Variants in SLC16A7 observed in about 807,000 individuals in gnomAD.
SLC16A7 encodes solute carrier family 16 member 7.
SLC16A7 carries 33 observed loss-of-function variants against 34.9 expected under a neutral mutation model. The ratio of observed to expected loss-of-function variants is 0.94; its 90% CI spans 0.72 to 1.26. The LOEUF (loss-of-function observed/expected upper bound fraction) is 1.26. Among genes scored for constraint, SLC16A7 ranks in the 50% most tolerant of loss-of-function variants. The pLI, the probability that SLC16A7 is intolerant of heterozygous loss-of-function variation, is 0.00. For synonymous variants in SLC16A7, 201 were observed against 206.6 expected (o/e 0.97, Z 0.23); for missense variants, 573 against 578.1 (o/e 0.99, Z 0.09).
Position 59,786,357 on chromosome 12 carries a change from A to G in SLC16A7, c.*6678A>G, listed in dbSNP as rs1310871124. On this transcript the variant is annotated 3_prime_UTR_variant, in exon 6 of 6. Transcript: ENST00000547379. ...ACTTTAATTCTTATATGCATCTAAA[A>G]TAAATGTTTTGAGTTAGACTCAGTT... is the stretch of plus-strand genomic sequence containing the variant. 2.0e-5 allele frequency: 3 copies of G among 152,046 alleles called. No individual in the cohort carries two copies. Among genetic ancestry groups the G allele is most frequent in the African/African-American group, 7.2e-5 (3 of 41,428 alleles). 9.4% of individuals were successfully genotyped at this position (152,046 alleles called of 1,614,324 possible).
chr12:59,779,771 C>A lies in SLC16A7; in HGVS notation c.*92C>A. 2 of 1,031,068 alleles carry A rather than the reference C, an allele frequency of 1.9e-6. No individual in the cohort carries two copies. Among genetic ancestry groups the A allele is most frequent in the Non-Finnish European group, 2.8e-6 (2 of 718,448 alleles). 63.9% of individuals were successfully genotyped at this position (1,031,068 alleles called of 1,614,324 possible). On this transcript the variant is annotated 3_prime_UTR_variant, in exon 6 of 6. Coordinates refer to ENST00000547379, the MANE Select transcript of SLC16A7 (RefSeq NM_001270623.2). ...TTTAAAGTATTAGAAAAGGTTTTAGCTGAAATGAGGAGTCACAATTAAGGA... is the reference window on the plus strand; with the variant it reads ...TTTAAAGTATTAGAAAAGGTTTTAGATGAAATGAGGAGTCACAATTAAGGA...
intron 1 of SLC16A7, among the ~76,000 whole-genome samples, chr12:59,633,541 T>C (rs999261707): frequency 7.2e-5 from 11 of 151,806 alleles, no homozygotes; most frequent in African/African-American, 2.7e-4. Flanking sequence ...CAAAAGTTGA[T>C]AAATAATAAT....
Position 59,632,272 on chromosome 12 carries a change from A to G in SLC16A7, c.-129-22880A>G, listed in dbSNP as rs370971583. Among the ~76,000 whole-genome samples the G allele has an allele frequency of 4.7e-4, 72 of 152,138 alleles. 6 individuals are homozygous for G. The South Asian group carries it at 7.2e-3, about 15-fold the overall frequency. ...GACTTTTATGCACTTTTAACAAAGT[A>G]TGATTTTAGATTTGTTACTTAAAGT... On this transcript the variant is annotated intron_variant, in intron 1 of 5. Transcript: ENST00000547379.
Position 59,787,961 on chromosome 12 carries a change from G to A in SLC16A7, c.*8282G>A, listed in dbSNP as rs940165239. On this transcript the variant is annotated 3_prime_UTR_variant, in exon 6 of 6. Transcript: ENST00000547379. ...AATTCCTGATATTGCAGATGAAAGAGCAGGGTCTTTTCAAGTGCTTGCTAC... is the reference window on the plus strand; with the variant it reads ...AATTCCTGATATTGCAGATGAAAGAACAGGGTCTTTTCAAGTGCTTGCTAC... 35 of 152,154 alleles carry A rather than the reference G, an allele frequency of 2.3e-4. No homozygotes were observed. The highest frequency in any genetic ancestry group is 8.0e-4 in the African/African-American group (33 of 41,440). The allele number at this position is 152,154 out of a possible 1,614,324, so 9.4% of individuals were successfully genotyped here. A position where few individuals can be genotyped will look rare whatever the true frequency, so the allele number is the denominator to read the frequency against.
intron 3 of SLC16A7, among the ~76,000 whole-genome samples, chr12:59,735,544 C>T (rs1877490396): frequency 6.6e-6 from 1 of 152,056 alleles, no homozygotes; most frequent in East Asian, 1.9e-4. Context: ...TTCTTGATGT[C>T]AGATGAGAAA....
At chr12:59,756,095 C>T (rs1022277182) in intron 3 of SLC16A7, among the ~76,000 whole-genome samples, 1 of 152,110 alleles carries the variant, frequency 6.6e-6, no homozygotes, top group Non-Finnish European at 1.5e-5. Flanking sequence ...ACACCTTATA[C>T]AAAAATTAAT....
At chr12:59,701,733 T>C (rs755302850) in intron 2 of SLC16A7, among the ~76,000 whole-genome samples, 1 of 151,772 alleles carries the variant, frequency 6.6e-6, no homozygotes, top group Admixed American at 6.6e-5. Context: ...CCCATATTTA[T>C]AACATGATTT....
At chr12:59,725,394 G>A (rs140739212) in intron 3 of SLC16A7, among the ~76,000 whole-genome samples, 2 of 152,022 alleles carry the variant, frequency 1.3e-5, no homozygotes, top group African/African-American at 4.8e-5. Flanking sequence ...GTAGGATGAG[G>A]GTGTCTGCTT....
intron 2 of SLC16A7, among the ~76,000 whole-genome samples, chr12:59,702,727 A>C (rs1421579249): frequency 2.6e-5 from 4 of 152,112 alleles, no homozygotes; most frequent in Non-Finnish European, 5.9e-5. Flanking sequence ...GATGCCTATG[A>C]CCATTTTGAT....
intron 5 of SLC16A7, among the ~76,000 whole-genome samples, chr12:59,776,441 T>C (rs1472684612): frequency 6.6e-6 from 1 of 152,204 alleles, no homozygotes; most frequent in Non-Finnish European, 1.5e-5. Flanking sequence ...ACATTCTGTT[T>C]GTGCACCAGC....
chr12:59,756,694 G>A (rs1210689139), intron 3 of SLC16A7, among the ~76,000 whole-genome samples: 2 of 139,494 alleles, frequency 1.4e-5, no homozygotes, highest in Non-Finnish European at 3.1e-5. Flanking sequence ...GGAAGACAGT[G>A]TGGCGATTCC....
chr12:59,651,345 G>A (rs779280001), intron 1 of SLC16A7, among the ~76,000 whole-genome samples: 1 of 152,010 alleles, frequency 6.6e-6, no homozygotes, highest in African/African-American at 2.4e-5. Flanking sequence ...CTCATTTTCA[G>A]TATATGATGA....
chr12:59,597,624 C>G (rs1004508926), intron 1 of SLC16A7, among the ~76,000 whole-genome samples: 3 of 152,170 alleles, frequency 2.0e-5, no homozygotes, highest in Non-Finnish European at 2.9e-5. Flanking sequence ...GTGGGGACAG[C>G]AGAGGGCAAA....
chr12:59,654,771 C>T (rs1868452288), intron 1 of SLC16A7, among the ~76,000 whole-genome samples: 1 of 151,624 alleles, frequency 6.6e-6, no homozygotes. Flanking sequence ...AAGTTAAAAA[C>T]AAGCTATTGG....
chr12:59,751,479 G>C (rs1204605719), intron 3 of SLC16A7, among the ~76,000 whole-genome samples: 1 of 152,194 alleles, frequency 6.6e-6, no homozygotes, highest in African/African-American at 2.4e-5. Flanking sequence ...AGGGTCTTAC[G>C]ACCATGGAGC....
At chr12:59,704,199 C>CAAAAAAAAAAAAAAAAAAAAAAA (rs34021022) in intron 2 of SLC16A7, among the ~76,000 whole-genome samples, 53 of 51,422 alleles carry the variant, frequency 1.0e-3, no homozygotes, top group African/African-American at 1.2e-3. Context: ...GACTCTGTCT[C>CAAAAAAAAAAAAAAAAAAAAAAA]AAAAAAAAAA....
intron 2 of SLC16A7, among the ~76,000 whole-genome samples, chr12:59,671,658 TTCTCTCTC>T (rs34073980): frequency 7.2e-6 from 1 of 139,578 alleles, no homozygotes; most frequent in African/African-American, 2.6e-5. Flanking sequence ...ACAGTGCTCT[TTCTCTCTC>T]TCTCTCTCTC....
intron 5 of SLC16A7, among the ~76,000 whole-genome samples, chr12:59,779,046 G>A (rs117842816): frequency 0.014 from 2,095 of 152,128 alleles, 22 homozygotes; most frequent in Middle Eastern, 0.065. Flanking sequence ...AGGAAGCATG[G>A]AAAGGGTGAA....
Position 59,622,050 on chromosome 12 carries a change from G to A in SLC16A7, c.-130+25814G>A, listed in dbSNP as rs951605864. On this transcript the variant is annotated intron_variant, in intron 1 of 5. Transcript: ENST00000547379. Reference sequence around the variant, plus strand: ...TCAACTTCTACACTCAGAGTGAAACGTGGTGTGAATGCACTGTGGGCCTCC... The same window carrying A: ...TCAACTTCTACACTCAGAGTGAAACATGGTGTGAATGCACTGTGGGCCTCC... 4.6e-5 allele frequency among the ~76,000 whole-genome samples: 7 copies of A among 151,884 alleles called. No individual in the cohort carries two copies. In the East Asian group the frequency reaches 5.8e-4, roughly 13 times the overall value.
Sources: gnomAD v4.1 joint callset for allele counts (sites outside exome capture counted in the v4.1 genomes callset) on GRCh38, gnomAD v4.1.1 for gene constraint, MANE v1.5 for transcripts, NCBI Gene and HGNC (gene_info 2026-07-23, HGNC 2026-07-21) for gene names.